Variants in SLC24A2 observed in about 807,000 individuals in gnomAD.
SLC24A2 encodes the protein sodium/potassium/calcium exchanger 2.
Under a neutral mutation model 62.0 loss-of-function variants are expected in SLC24A2, and 36 were observed. The observed-to-expected ratio is 0.58, with a 90% CI of 0.44 to 0.77. The LOEUF is 0.77. SLC24A2 is among the 30% of genes least tolerant of loss of function. The pLI is 0.00. For missense variants in SLC24A2, 846 were observed against 817.9 expected, an observed-to-expected ratio of 1.03 and a Z score of -0.42; for synonymous variants, 358 against 294.0, an observed-to-expected ratio of 1.22 and a Z score of -2.23.
intron 2 of SLC24A2, among the ~76,000 whole-genome samples, chr9:19,768,083 AATTAATTGATT>A (rs1412811016): frequency 4.6e-5 from 7 of 152,170 alleles, no homozygotes; most frequent in African/African-American, 1.7e-4. Context: ...TCCATGGGTA[AATTAATTGATT>A]AATGAAGACA....
At chr9:19,828,177 A>T in the SLC24A2 span, among the ~76,000 whole-genome samples, 81 of 152,332 alleles carry the variant, frequency 5.3e-4, no homozygotes, top group Non-Finnish European at 1.0e-3. Flanking sequence ...ACAAAAATAC[A>T]GTGAATGAAA....
At chr9:19,995,897 T>C in the SLC24A2 span, among the ~76,000 whole-genome samples, 126,021 of 152,252 alleles carry the variant, frequency 0.83, 52,499 homozygotes, top group Non-Finnish European at 0.88. Context: ...GAGATGAACA[T>C]GCATACACAC....
At chr9:19,772,799 T>A (rs183354364) in intron 2 of SLC24A2, among the ~76,000 whole-genome samples, 93 of 152,228 alleles carry the variant, frequency 6.1e-4, no homozygotes, top group African/African-American at 2.2e-3. Context: ...CCTCAAAATA[T>A]TAAACATAGA....
rs190856782 is a variant in SLC24A2, at chr9:19,761,306, T to A, written c.930+24631A>T. 1.2e-3 allele frequency among the ~76,000 whole-genome samples: 187 copies of A among 152,208 alleles called. 1 individual carries two copies. Among genetic ancestry groups the A allele is most frequent in the African/African-American group, 4.4e-3 (181 of 41,558 alleles). On this transcript the variant is annotated intron_variant, in intron 2 of 10. Transcript: ENST00000341998. ...GTAAAAACGTTCCTATTTCTCAACA[T>A]CCTCTCTAGCATCTGTTGTTTCCTG... is the stretch of plus-strand genomic sequence containing the variant.
At position 19,513,184 on chromosome 9, in the gene SLC24A2, A is replaced by ATATG. The variant is rs1554665753; in HGVS notation, c.*2968_*2969insCATA. On this transcript the variant is annotated 3_prime_UTR_variant, in exon 11 of 11. Coordinates refer to ENST00000341998, the MANE Select transcript of SLC24A2 (RefSeq NM_020344.4). ...TATATATATATATATATGTATATAT[A>ATATG]TATATATGTATATATTTATATATGT... is the stretch of plus-strand genomic sequence containing the variant. The ATATG allele has an allele frequency of 1.3e-3, 121 of 93,410 alleles. No homozygotes were observed. The highest frequency in any genetic ancestry group is 4.0e-3 in the African/African-American group (99 of 24,618). 5.8% of individuals were successfully genotyped at this position (93,410 alleles called of 1,614,324 possible).
At chr9:20,099,049 C>T in the SLC24A2 span, among the ~76,000 whole-genome samples, 1 of 152,234 alleles carries the variant, frequency 6.6e-6, no homozygotes. Flanking sequence ...CCACTGCCAA[C>T]AGAACAAAAA....
chr9:20,164,862 T>G, the SLC24A2 span, among the ~76,000 whole-genome samples: 1 of 151,536 alleles, frequency 6.6e-6, no homozygotes, highest in African/African-American at 2.4e-5. Context: ...GAAATCATCA[T>G]TCTCAGTAAA....
At chr9:19,831,485 GA>G in the SLC24A2 span, among the ~76,000 whole-genome samples, 1 of 151,960 alleles carries the variant, frequency 6.6e-6, no homozygotes, top group Non-Finnish European at 1.5e-5. Flanking sequence ...GAAACTTGAA[GA>G]AAAAAATAAG....
At chr9:20,289,428 C>T in the SLC24A2 span, among the ~76,000 whole-genome samples, 118,503 of 152,132 alleles carry the variant, frequency 0.78, 47,064 homozygotes, top group Middle Eastern at 0.95. Flanking sequence ...CAAGGGTTAC[C>T]GGAGTTATTA....
At chr9:20,183,290 G>A in the SLC24A2 span, among the ~76,000 whole-genome samples, 4 of 152,176 alleles carry the variant, frequency 2.6e-5, no homozygotes, top group South Asian at 2.1e-4. Flanking sequence ...CATAATATAA[G>A]TAAGTGCCCT....
intron 2 of SLC24A2, among the ~76,000 whole-genome samples, chr9:19,780,989 CAAAAT>C (rs1293469125): frequency 3.3e-5 from 5 of 149,736 alleles, no homozygotes; most frequent in Non-Finnish European, 7.4e-5. Context: ...ACAGAAAGGC[CAAAAT>C]AAATAGAAAG....
the SLC24A2 span, among the ~76,000 whole-genome samples, chr9:19,911,767 G>C: frequency 6.6e-6 from 1 of 152,230 alleles, no homozygotes; most frequent in South Asian, 2.1e-4. Flanking sequence ...AACTCCACTT[G>C]ACCTGTGGTT....
the SLC24A2 span, among the ~76,000 whole-genome samples, chr9:19,942,227 G>C: frequency 3.3e-5 from 5 of 152,130 alleles, no homozygotes; most frequent in African/African-American, 1.2e-4. Flanking sequence ...TAAACCCCGA[G>C]AATGCATTTA....
intron 2 of SLC24A2, among the ~76,000 whole-genome samples, chr9:19,687,447 T>G (rs1316184713): frequency 6.6e-6 from 1 of 152,040 alleles, no homozygotes; most frequent in Non-Finnish European, 1.5e-5. Flanking sequence ...TGAAATCAAT[T>G]AGGGAGCAAA....
At chr9:20,277,138 A>G in the SLC24A2 span, among the ~76,000 whole-genome samples, 1 of 152,248 alleles carries the variant, frequency 6.6e-6, no homozygotes, top group Admixed American at 6.5e-5. Flanking sequence ...AAGCCCTAGA[A>G]GAAAACCTAG....
the SLC24A2 span, among the ~76,000 whole-genome samples, chr9:19,908,989 C>T: frequency 6.6e-6 from 1 of 152,104 alleles, no homozygotes; most frequent in Non-Finnish European, 1.5e-5. Context: ...TAGGTATATA[C>T]CCAAAGGATT....
At chr9:20,143,229 G>A in the SLC24A2 span, among the ~76,000 whole-genome samples, 1 of 152,136 alleles carries the variant, frequency 6.6e-6, no homozygotes, top group African/African-American at 2.4e-5. Context: ...TCCAGTGGCT[G>A]GAATGATGAG....
chr9:19,715,000 G>C (rs920554439), intron 2 of SLC24A2, among the ~76,000 whole-genome samples: 1 of 151,850 alleles, frequency 6.6e-6, no homozygotes, highest in African/African-American at 2.4e-5. Flanking sequence ...GAAGAAGTGG[G>C]AAAAGTCTAT....
chr9:19,515,591 T>G lies in SLC24A2; in HGVS notation c.*562A>C, dbSNP rs1832889798. The G allele has an allele frequency of 6.6e-6, 1 of 152,188 alleles. No homozygotes were observed. The highest frequency in any genetic ancestry group is 1.5e-5 in the Non-Finnish European group (1 of 68,138). The allele number at this position is 152,188 out of a possible 1,614,324, so 9.4% of individuals were successfully genotyped here. A position where few individuals can be genotyped will look rare whatever the true frequency, so the allele number is the denominator to read the frequency against. ...TAGTTCACCTCTTGTACTTAAGAGG[T>G]AAAGCCCAGACTGCAAGTTGATGCC... is the stretch of plus-strand genomic sequence containing the variant. On this transcript the variant is annotated 3_prime_UTR_variant, in exon 11 of 11. Transcript: ENST00000341998.
Sources: gnomAD v4.1 joint callset for allele counts (sites outside exome capture counted in the v4.1 genomes callset) on GRCh38, gnomAD v4.1.1 for gene constraint, MANE v1.5 for transcripts, NCBI Gene and HGNC (gene_info 2026-07-23, HGNC 2026-07-21) for gene names.